The following MMP9 variants were observed in gnomAD, a reference collection of about 807,000 sequenced individuals.
The protein encoded by MMP9 is matrix metallopeptidase 9.
Under a neutral mutation model 76.4 loss-of-function variants are expected in MMP9, and 73 were observed. The ratio of observed to expected loss-of-function variants is 0.96; its 90% CI spans 0.79 to 1.16. MMP9 has a LOEUF of 1.16. MMP9 is among the 50% of genes most tolerant of loss of function. MMP9 has a pLI of 0.00. For synonymous variants in MMP9, 412 were observed against 408.4 expected (o/e 1.01, Z -0.11); for missense variants, 943 against 973.0 (o/e 0.97, Z 0.41).
In MMP9 at chr20:46,011,153, T is replaced by C; in HGVS notation, c.660T>C (p.Thr220=). ...WSLGKGVVVP[T]RFGNADGAAC... ...CCCCTCCTCCTGCAGTGGTTCCAACTCGGTTTGGAAACGCAGATGGCGCGG... is the reference window on the plus strand; with the variant it reads ...CCCCTCCTCCTGCAGTGGTTCCAACCCGGTTTGGAAACGCAGATGGCGCGG... The change falls in exon 5 of 13, where the codon ACT becomes ACC. Residue 220 remains threonine (T), a synonymous_variant. Transcript: ENST00000372330. The C allele has an allele frequency of 6.2e-7, 1 of 1,614,110 alleles. No homozygotes were observed. The highest frequency in any genetic ancestry group is 2.2e-5 in the East Asian group (1 of 44,874).
At chr20:46,010,330 A>AAAAAAACAAAACAAAAC (rs1555856942) in intron 2 of MMP9, among the ~76,000 whole-genome samples, 153 bp from the exon 3 acceptor site, 4 of 101,926 alleles carry the variant, frequency 3.9e-5, no homozygotes, top group African/African-American at 1.5e-4. Flanking sequence ...ACAAAAAAAA[A>AAAAAAACAAAACAAAAC]AAAAAAAAAA....
chr20:46,014,361 C>T lies in MMP9; in HGVS notation c.1902-10C>T. ...GGCTCAGCACCTGTCTCCTCCGCGC[C>T]TGCCCGCAGGTTCGACGTGAAGGCG... On this transcript the variant is annotated splice_polypyrimidine_tract_variant and intron_variant, in intron 11 of 12. Coordinates refer to ENST00000372330, the MANE Select transcript of MMP9 (RefSeq NM_004994.3). The T allele has an allele frequency of 6.5e-7, 1 of 1,546,706 alleles. No individual in the cohort carries two copies. Among genetic ancestry groups the T allele is most frequent in the African/African-American group, 1.4e-5 (1 of 73,184 alleles).
At position 46,010,595 on chromosome 20, in the gene MMP9, C is replaced by T; in HGVS notation, c.484C>T (p.Arg162Trp). ...TPLTFTRVYS[R>W]DADIVIQFGV... ...GCTCACCTTCACTCGCGTGTACAGC[C>T]GGGACGCAGACATCGTCATCCAGTT... is the stretch of plus-strand genomic sequence containing the variant. Residue 162 changes from arginine (R) to tryptophan (W), a missense_variant, in exon 3 of 13, where the codon CGG becomes TGG. Transcript: ENST00000372330. The T allele has an allele frequency of 3.1e-6, 5 of 1,614,062 alleles. No homozygotes were observed. Among genetic ancestry groups the T allele is most frequent in the South Asian group, 2.2e-5 (2 of 91,070 alleles).
At chr20:46,011,346 G>A (rs2084277701) in intron 5 of MMP9, 30 bp downstream of exon 5, 1 of 1,595,786 alleles carries the variant, frequency 6.3e-7, no homozygotes, top group Non-Finnish European at 8.5e-7. Flanking sequence ...GAGGGCTGGG[G>A]GCGCCCACCA....
intron 3 of MMP9, 115 bp downstream of exon 3, chr20:46,010,746 C>T (rs2084273435): frequency 6.5e-7 from 1 of 1,545,226 alleles, no homozygotes; most frequent in Non-Finnish European, 8.8e-7. Flanking sequence ...CCCGCGCTGC[C>T]CTGGCTTATA....
intron 5 of MMP9, 102 bp downstream of exon 5, chr20:46,011,418 A>AC (rs1267991562): frequency 1.9e-6 from 3 of 1,566,216 alleles, no homozygotes; most frequent in East Asian, 4.5e-5. Context: ...CCTGCAATTC[A>AC]CCCTCCCGCA....
At position 46,012,191 on chromosome 20, in the gene MMP9, T is replaced by A. The variant is rs1403318320; in HGVS notation, c.1052T>A (p.Phe351Tyr). The stretch of plus-strand genomic sequence containing the variant: ...GCGGGGGAGCTGTGCGTCTTCCCCT[T>A]CACTTTCCTGGGTAAGGAGTACTCG... ...NSAGELCVFP[F>Y]TFLGKEYSTC... The change falls in exon 7 of 13, where the codon TTC becomes TAC. Residue 351 changes from phenylalanine (F) to tyrosine (Y), a missense_variant. By Grantham distance (22) the Phe-to-Tyr change is conservative. Transcript: ENST00000372330. 1 of 1,614,132 alleles carries A rather than the reference T, an allele frequency of 6.2e-7. No homozygotes were observed. The highest frequency in any genetic ancestry group is 8.5e-7 in the Non-Finnish European group (1 of 1,180,016).
At chr20:46,014,342 G>A (rs2145456789) in intron 11 of MMP9, 29 bp from the exon 12 acceptor site, 1 of 1,544,494 alleles carries the variant, frequency 6.5e-7, no homozygotes, top group South Asian at 1.2e-5. Flanking sequence ...AGCCGGCTCA[G>A]CACCTGTCTC....
chr20:46,012,282 C>G lies in MMP9; in HGVS notation c.1143C>G (p.Ser381Arg), dbSNP rs2084285906. The G allele has an allele frequency of 3.1e-6, 5 of 1,613,736 alleles. No homozygotes were observed. The East Asian group carries it at 1.1e-4, about 36-fold the overall frequency. The change falls in exon 7 of 13, where the codon AGC becomes AGG. Residue 381 changes from serine (S) to arginine (R), a missense_variant. Ser to Arg is a moderately radical substitution (Grantham distance 110). Coordinates refer to ENST00000372330, the MANE Select transcript of MMP9 (RefSeq NM_004994.3). ...GCGCTACCACCTCGAACTTTGACAG[C>G]GACAAGAAGTGGGGCTTCTGCCCGG... ...LWCATTSNFD[S>R]DKKWGFCPDQ...
intron 1 of MMP9, 89 bp downstream of exon 1, chr20:46,009,153 C>T (rs1003176758): frequency 1.1e-5 from 16 of 1,406,904 alleles, no homozygotes; most frequent in Non-Finnish European, 1.5e-5. Context: ...AGAGGAGATG[C>T]TTTAGGGGTG....
In MMP9 at chr20:46,009,484, G is replaced by A. The variant is rs571612271; in HGVS notation, c.139-382G>A. Among the ~76,000 whole-genome samples, 5 of 152,124 alleles carry A rather than the reference G, an allele frequency of 3.3e-5. No homozygotes were observed. The South Asian group carries it at 1.0e-3, about 32-fold the overall frequency. Reference sequence around the variant, plus strand: ...CACTGGTGTCTGGAAAGCATTTAATGCTTTATTAAATGTTAGTCCCTGCTG... The same window carrying A: ...CACTGGTGTCTGGAAAGCATTTAATACTTTATTAAATGTTAGTCCCTGCTG... On this transcript the variant is annotated intron_variant, in intron 1 of 12. Transcript: ENST00000372330.
intron 2 of MMP9, 146 bp from the exon 3 acceptor site, chr20:46,010,337 A>AAAAAAAAAC (rs1272580918): frequency 2.2e-6 from 2 of 898,476 alleles, no homozygotes; most frequent in Admixed American, 2.6e-5. Flanking sequence ...AAAAAAAAAA[A>AAAAAAAAAC]AAAACAGTCT....
At chr20:46,016,212 T>A (rs1194386510) in intron 12 of MMP9, 38 bp from the exon 13 acceptor site, 7 of 1,538,536 alleles carry the variant, frequency 4.5e-6, no homozygotes, top group Non-Finnish European at 6.3e-6. Context: ...TGTGGGAGAA[T>A]TAGAATCACT....
At chr20:46,012,370 T>A in intron 7 of MMP9, 57 bp downstream of exon 7, 1 of 1,612,934 alleles carries the variant, frequency 6.2e-7, no homozygotes, top group East Asian at 2.2e-5. Flanking sequence ...GGTGGTGGGG[T>A]GGCCAGGGCT....
In MMP9 at chr20:46,011,730, G is replaced by C; in HGVS notation, c.980G>C (p.Gly327Ala). 1 of 1,612,434 alleles carries C rather than the reference G, an allele frequency of 6.2e-7. No homozygotes were observed. The highest frequency in any genetic ancestry group is 8.5e-7 in the Non-Finnish European group (1 of 1,179,842). Reference sequence around the variant, plus strand: ...AACTACGACCGGGACAAGCTCTTCGGCTTCTGCCCGACCCGAGGTACCTCC... The same window carrying C: ...AACTACGACCGGGACAAGCTCTTCGCCTTCTGCCCGACCCGAGGTACCTCC... ...TANYDRDKLFGFCPTRADSTV... is the reference protein window; with the variant it reads ...TANYDRDKLFAFCPTRADSTV... The change falls in exon 6 of 13, where the codon GGC (glycine) becomes GCC (alanine). Residue 327 changes from glycine (G) to alanine (A), a missense_variant. Coordinates refer to ENST00000372330, the MANE Select transcript of MMP9 (RefSeq NM_004994.3).
At chr20:46,010,339 A>AAAAT (rs1346140616) in intron 2 of MMP9, 144 bp from the exon 3 acceptor site, 4 of 920,402 alleles carry the variant, frequency 4.3e-6, no homozygotes, top group Non-Finnish European at 6.6e-6. Flanking sequence ...AAAAAAAAAA[A>AAAAT]AACAGTCTGG....
Position 46,010,964 on chromosome 20 carries a change from T to A in MMP9, c.563T>A (p.Leu188Gln). 1 of 1,614,238 alleles carries A rather than the reference T, an allele frequency of 6.2e-7. No individual in the cohort carries two copies. Among genetic ancestry groups the A allele is most frequent in the Admixed American group, 1.7e-5 (1 of 60,034 alleles). ...GYPFDGKDGL[L>Q]AHAFPPGPGI... ...CCCTTCGACGGGAAGGACGGGCTCC[T>A]GGCACACGCCTTTCCTCCTGGCCCC... The change falls in exon 4 of 13, where the codon CTG (leucine) becomes CAG (glutamine). Residue 188 changes from leucine (L) to glutamine (Q), a missense_variant. Transcript: ENST00000372330.
intron 12 of MMP9, among the ~76,000 whole-genome samples, chr20:46,015,687 G>A (rs915943849): frequency 6.6e-6 from 1 of 151,970 alleles, no homozygotes. Flanking sequence ...TCCTGACCTC[G>A]TGATCCACCC....
At position 46,011,657 on chromosome 20, in the gene MMP9, A is replaced by G; in HGVS notation, c.907A>G (p.Thr303Ala). 6.2e-7 allele frequency: 1 copy of G among 1,613,966 alleles called. No homozygotes were observed. Among genetic ancestry groups the G allele is most frequent in the Non-Finnish European group, 8.5e-7 (1 of 1,180,004 alleles). ...CCAAGGCCAATCCTACTCCGCCTGC[A>G]CCACGGACGGTCGCTCCGACGGCTA... is the stretch of plus-strand genomic sequence containing the variant. ...IFQGQSYSAC[T>A]TDGRSDGYRW... The change falls in exon 6 of 13, where the codon ACC becomes GCC. Residue 303 changes from threonine (T) to alanine (A), a missense_variant. Thr to Ala is a moderately conservative substitution (Grantham distance 58). Transcript: ENST00000372330.
Sources: allele counts gnomAD v4.1 joint callset (sites outside exome capture counted in the v4.1 genomes callset), GRCh38; gene constraint gnomAD v4.1.1; transcripts MANE v1.5; gene names NCBI Gene and HGNC (gene_info 2026-07-23, HGNC 2026-07-21).